The following ASTN1 variants were observed in gnomAD, a reference collection of about 807,000 sequenced individuals.
The protein encoded by ASTN1 is astrotactin 1.
Under a neutral mutation model 140.7 loss-of-function variants are expected in ASTN1, and 41 were observed. The ratio of observed to expected loss-of-function variants is 0.29; its 90% confidence interval spans 0.23 to 0.38. The LOEUF (loss-of-function observed/expected upper bound fraction) is 0.38. Ranked by LOEUF, ASTN1 falls within the 10% of genes least tolerant of loss-of-function variation. The pLI is 1.00. For synonymous variants in ASTN1, 640 were observed against 652.2 expected (o/e 0.98, Z 0.29); for missense variants, 1,479 against 1,678.8 (o/e 0.88, Z 2.08).
chr1:177,105,199 C>T (rs773170835), intron 1 of ASTN1, among the ~76,000 whole-genome samples: 4 of 152,060 alleles, frequency 2.6e-5, no homozygotes, highest in Non-Finnish European at 4.4e-5. Flanking sequence ...TATGCTTGTA[C>T]GGGATTTAGC....
intron 8 of ASTN1, among the ~76,000 whole-genome samples, chr1:176,995,031 T>G (rs1415323135): frequency 6.6e-6 from 1 of 152,214 alleles, no homozygotes; most frequent in Non-Finnish European, 1.5e-5. Flanking sequence ...TATAAAAATC[T>G]GATTTCTCTT....
chr1:177,058,307 C>A (rs2102027412), intron 2 of ASTN1, among the ~76,000 whole-genome samples: 1 of 152,228 alleles, frequency 6.6e-6, no homozygotes, highest in South Asian at 2.1e-4. Flanking sequence ...AAGAGGCCAA[C>A]CCAAAGACAA....
intron 16 of ASTN1, among the ~76,000 whole-genome samples, chr1:176,898,852 A>G (rs1470877925): frequency 6.6e-6 from 1 of 152,184 alleles, no homozygotes; most frequent in Admixed American, 6.5e-5. Context: ...TGGAGACACT[A>G]TGCTGTCTTT....
chr1:177,135,442 A>G (rs902740046), intron 1 of ASTN1, among the ~76,000 whole-genome samples: 1 of 151,998 alleles, frequency 6.6e-6, no homozygotes, highest in African/African-American at 2.4e-5. Flanking sequence ...GCCACAAGCA[A>G]CGTGACCATG....
chr1:176,869,821 G>T (rs777889691), intron 21 of ASTN1, among the ~76,000 whole-genome samples: 1 of 152,140 alleles, frequency 6.6e-6, no homozygotes, highest in Non-Finnish European at 1.5e-5. Context: ...GTGCGCATTC[G>T]GCTCAGAGAT....
intron 8 of ASTN1, among the ~76,000 whole-genome samples, chr1:176,968,301 A>T (rs1335283919): frequency 2.6e-5 from 4 of 152,260 alleles, no homozygotes; most frequent in African/African-American, 9.6e-5. Context: ...ACATGCATCA[A>T]ATATAAATAC....
At chr1:177,027,681 G>A (rs891094079) in intron 5 of ASTN1, among the ~76,000 whole-genome samples, 2 of 145,848 alleles carry the variant, frequency 1.4e-5, no homozygotes, top group African/African-American at 5.1e-5. Flanking sequence ...CCTTATCCTA[G>A]ACTTCTTCTC....
At chr1:176,985,845 TACACACACACACACACACA>T (rs1438751438) in intron 8 of ASTN1, among the ~76,000 whole-genome samples, 2 of 129,668 alleles carry the variant, frequency 1.5e-5, no homozygotes, top group Non-Finnish European at 3.2e-5. Context: ...TCTCTCTCTC[TACACACACACACACACACA>T]CACACACACA....
chr1:176,959,493 A>G (rs1290941032), intron 9 of ASTN1, among the ~76,000 whole-genome samples: 1 of 151,996 alleles, frequency 6.6e-6, no homozygotes, highest in African/African-American at 2.4e-5. Flanking sequence ...CTAGGAAACC[A>G]GATTGATGAC....
intron 2 of ASTN1, among the ~76,000 whole-genome samples, chr1:177,036,590 A>G (rs922271275): frequency 1.3e-5 from 2 of 152,190 alleles, no homozygotes; most frequent in African/African-American, 4.8e-5. Context: ...ATTTAATAAT[A>G]TTTTGTAATA....
chr1:177,117,718 C>T (rs902501272), intron 1 of ASTN1, among the ~76,000 whole-genome samples: 1 of 152,202 alleles, frequency 6.6e-6, no homozygotes, highest in South Asian at 2.1e-4. Context: ...CCCTGGACCA[C>T]TCACCATTTC....
Position 177,093,005 on chromosome 1 carries a change from C to T in ASTN1, c.284-31740G>A, listed in dbSNP as rs149979446. ...TTAGTTATAGAAATGCTGAACAAGA[C>T]GGAACTGAACAGAGAGCTCTGTGCC... On this transcript the variant is annotated intron_variant, in intron 1 of 22. Coordinates refer to ENST00000361833, the MANE Select transcript of ASTN1 (RefSeq NM_004319.3). Among the ~76,000 whole-genome samples the T allele has an allele frequency of 4.5e-3, 678 of 152,228 alleles. 7 individuals carry two copies. Among genetic ancestry groups the T allele is most frequent in the Non-Finnish European group, 6.0e-3 (409 of 68,012 alleles).
intron 11 of ASTN1, among the ~76,000 whole-genome samples, chr1:176,952,950 T>C (rs1031117169): frequency 3.3e-5 from 5 of 152,176 alleles, no homozygotes; most frequent in African/African-American, 1.2e-4. Context: ...AAAACTCCAT[T>C]TATTATGGCA....
At chr1:177,017,419 A>G (rs530929522) in intron 7 of ASTN1, among the ~76,000 whole-genome samples, 6 of 152,206 alleles carry the variant, frequency 3.9e-5, no homozygotes, top group Admixed American at 6.5e-5. Flanking sequence ...GCCATCTCCA[A>G]CGAAAGGATT....
rs1253726719 is a variant in ASTN1, at chr1:176,950,759, A to T, written c.1888-1408T>A. On this transcript the variant is annotated intron_variant, in intron 11 of 22. Transcript: ENST00000361833. The stretch of plus-strand genomic sequence containing the variant: ...TGGGGGTCTGTCCAGATCTGACTCC[A>T]ATGCTGGGGCTTTTAATGACTATGC... 2.0e-5 allele frequency among the ~76,000 whole-genome samples: 3 copies of T among 152,106 alleles called. 1 individual carries two copies. Among genetic ancestry groups the T allele is most frequent in the Non-Finnish European group, 4.4e-5 (3 of 68,014 alleles).
At chr1:176,872,450 A>T (rs546749285) in intron 21 of ASTN1, among the ~76,000 whole-genome samples, 1 of 152,310 alleles carries the variant, frequency 6.6e-6, no homozygotes, top group East Asian at 1.9e-4. Context: ...ATAAAACAAG[A>T]TGAAGTTCCT....
intron 8 of ASTN1, among the ~76,000 whole-genome samples, chr1:176,994,071 T>C (rs228008): frequency 0.59 from 89,098 of 149,888 alleles, 27,346 homozygotes; most frequent in African/African-American, 0.72. Flanking sequence ...TTCATTCTGA[T>C]ATTATGGAAG....
At chr1:176,982,242 C>T (rs915580087) in intron 8 of ASTN1, among the ~76,000 whole-genome samples, 1 of 152,130 alleles carries the variant, frequency 6.6e-6, no homozygotes, top group Non-Finnish European at 1.5e-5. Flanking sequence ...AGGGGGAAGA[C>T]AGAGAATCAG....
intron 11 of ASTN1, among the ~76,000 whole-genome samples, chr1:176,950,031 T>A (rs779106815): frequency 1.3e-5 from 2 of 152,234 alleles, no homozygotes; most frequent in African/African-American, 4.8e-5. Context: ...ATGCTTTTAA[T>A]GCAAAATATT....
Sources: gnomAD v4.1 joint callset for allele counts (sites outside exome capture counted in the v4.1 genomes callset) on GRCh38, gnomAD v4.1.1 for gene constraint, MANE v1.5 for transcripts, NCBI Gene and HGNC (gene_info 2026-07-23, HGNC 2026-07-21) for gene names.